F2: variants seen among roughly 807,000 people sequenced by gnomAD.
The protein encoded by F2 is coagulation factor II, thrombin.
F2 carries 34 observed loss-of-function variants against 81.9 expected under a neutral mutation model. The ratio of observed to expected loss-of-function variants is 0.42; its 90% CI spans 0.32 to 0.55. F2 has a LOEUF of 0.55. Ranked by LOEUF, F2 falls within the 20% of genes least tolerant of loss-of-function variation. The pLI is 0.18. For missense variants in F2, 630 were observed against 833.4 expected (o/e 0.76, Z 3.00); for synonymous variants, 296 against 326.4 (o/e 0.91, Z 1.01).
At chr11:46,733,688 A>G (rs561566337) in intron 12 of F2, among the ~76,000 whole-genome samples, 26 of 152,174 alleles carry the variant, frequency 1.7e-4, no homozygotes, top group African/African-American at 6.0e-4. Context: ...ATTTTTACCA[A>G]TCTGAGAGGT....
rs759174466 is a variant in F2 at position 46,728,014 on chromosome 11, G to C, written c.1149G>C (p.Arg383=). 4 of 1,610,786 alleles carry C rather than the reference G, an allele frequency of 2.5e-6. No individual in the cohort carries two copies. In the South Asian group the frequency reaches 3.3e-5, roughly 13 times the overall value. The part of the protein sequence containing the change: ...GMSPWQVMLF[R]KSPQELLCGA... ...CTCCCAGGCAGGTGATGCTTTTCCG[G>C]AAGAGTCCCCAGGAGCTGCTGTGTG... Residue 383 remains arginine (R), a synonymous_variant, in exon 10 of 14, where the codon CGG becomes CGC. Coordinates refer to ENST00000311907, the MANE Select transcript of F2 (RefSeq NM_000506.5). The surrounding 1 kb of genome is among the most constrained non-coding windows in gnomAD (Gnocchi z 5.1).
intron 4 of F2, among the ~76,000 whole-genome samples, chr11:46,722,919 G>T (rs2134527282): frequency 6.6e-6 from 1 of 152,340 alleles, no homozygotes; most frequent in African/African-American, 2.4e-5. Flanking sequence ...GCTCCATGAG[G>T]GCAGGGCTGT....
rs978432421 is a variant in F2 at position 46,723,702 on chromosome 11, C to G, written c.559+184C>G. ...GGTCAGGGGTTTGAGACCAGCTGGGCCAACATGGCAAAACCCCGTCTCTAC... is the reference window on the plus strand; with the variant it reads ...GGTCAGGGGTTTGAGACCAGCTGGGGCAACATGGCAAAACCCCGTCTCTAC... On this transcript the variant is annotated intron_variant, in intron 6 of 13. Transcript: ENST00000311907. The surrounding 1 kb of genome is among the most constrained non-coding windows in gnomAD (Gnocchi z 5.6). Among the ~76,000 whole-genome samples the G allele has an allele frequency of 4.7e-4, 72 of 152,160 alleles. No individual in the cohort carries two copies. Among genetic ancestry groups the G allele is most frequent in the Non-Finnish European group, 9.7e-4 (66 of 68,030 alleles).
chr11:46,729,268 C>T, intron 11 of F2, 112 bp from the exon 12 acceptor site: 1 of 1,241,952 alleles, frequency 8.1e-7, no homozygotes, highest in South Asian at 1.4e-5. Flanking sequence ...GCGTGAACGT[C>T]TGTGCCCAGC....
intron 12 of F2, among the ~76,000 whole-genome samples, chr11:46,737,784 T>G (rs1251560960): frequency 6.6e-6 from 1 of 152,030 alleles, no homozygotes; most frequent in African/African-American, 2.4e-5. Flanking sequence ...TGCTTTTTTC[T>G]CTTAAAAAGT....
intron 2 of F2, 88 bp from the exon 3 acceptor site, chr11:46,720,435 A>G (rs2064829216): frequency 6.7e-7 from 1 of 1,489,628 alleles, no homozygotes; most frequent in Non-Finnish European, 9.4e-7. Context: ...ACCAGGGTAA[A>G]GGAAAGTGTG....
chr11:46,726,788 G>A lies in F2; in HGVS notation c.1081G>A (p.Asp361Asn), dbSNP rs1337113977. The change falls in exon 9 of 14, where the codon GAC becomes AAC. Residue 361 changes from aspartate to asparagine, a missense_variant. Asp to Asn is a conservative substitution (Grantham distance 23). Coordinates refer to ENST00000311907, the MANE Select transcript of F2 (RefSeq NM_000506.5). This position sits in a 1 kb window ranked among gnomAD's most constrained non-coding sequence, Gnocchi z 5.9. Reference protein sequence around the residue: ...TERELLESYIDGRIVEGSDAE... With the variant: ...TERELLESYINGRIVEGSDAE... ...AAGAGAGCTCCTGGAATCCTACATCGACGGGCGCATTGTGGAGGGCTCGGA... is the reference window on the plus strand; with the variant it reads ...AAGAGAGCTCCTGGAATCCTACATCAACGGGCGCATTGTGGAGGGCTCGGA... 9 of 1,614,206 alleles carry A rather than the reference G, an allele frequency of 5.6e-6. No homozygotes were observed. The highest frequency in any genetic ancestry group is 1.7e-5 in the Admixed American group (1 of 60,028).
At chr11:46,736,650 G>C (rs1375750758) in intron 12 of F2, among the ~76,000 whole-genome samples, 2 of 152,168 alleles carry the variant, frequency 1.3e-5, no homozygotes, top group Non-Finnish European at 2.9e-5. Context: ...GTATGTTTCT[G>C]GATGTTCGAC....
rs71042616 is a variant in F2 at position 46,731,912 on chromosome 11, G to GT, written c.1654+2373dup. On this transcript the variant is annotated intron_variant, in intron 12 of 13. Transcript: ENST00000311907. ...GAATCTGGTAAAGAGACACTTTGAT[G>GT]TTTTTTTTTTTTTTTTTTTTTTGTG... is the stretch of plus-strand genomic sequence containing the variant. Among the ~76,000 whole-genome samples, 696 of 88,112 alleles carry GT rather than the reference G, an allele frequency of 7.9e-3. 19 individuals carry two copies. The highest frequency in any genetic ancestry group is 0.037 in the East Asian group (125 of 3,418). The allele number at this position is 88,112 out of a possible 152,430, so 57.8% of individuals were successfully genotyped here.
Position 46,719,527 on chromosome 11 carries a change from C to T in F2, c.80-175C>T, listed in dbSNP as rs1261650008. ...TAGGGAGCAGGCTGGGGGCAAGGGGCAGTGTAGGAGGGGCACAGGGGGCCA... is the reference window on the plus strand; with the variant it reads ...TAGGGAGCAGGCTGGGGGCAAGGGGTAGTGTAGGAGGGGCACAGGGGGCCA... On this transcript the variant is annotated intron_variant, in intron 1 of 13. Transcript: ENST00000311907. The surrounding 1 kb of genome is among the most constrained non-coding windows in gnomAD (Gnocchi z 4.7). The T allele has an allele frequency of 4.2e-6, 4 of 942,888 alleles. No homozygotes were observed. The East Asian group carries it at 7.9e-5, about 19-fold the overall frequency. 58.4% of individuals were successfully genotyped at this position (942,888 alleles called of 1,614,324 possible). A position where few individuals can be genotyped will look rare whatever the true frequency, so the allele number is the denominator to read the frequency against.
chr11:46,719,520 C>A lies in F2; in HGVS notation c.80-182C>A. 1 of 936,016 alleles carries A rather than the reference C, an allele frequency of 1.1e-6. No homozygotes were observed. The allele number at this position is 936,016 out of a possible 1,614,324, so 58.0% of individuals were successfully genotyped here. On this transcript the variant is annotated intron_variant, in intron 1 of 13. Transcript: ENST00000311907. The surrounding 1 kb of genome is among the most constrained non-coding windows in gnomAD (Gnocchi z 4.7). Reference sequence around the variant, plus strand: ...TCCAATATAGGGAGCAGGCTGGGGGCAAGGGGCAGTGTAGGAGGGGCACAG... The same window carrying A: ...TCCAATATAGGGAGCAGGCTGGGGGAAAGGGGCAGTGTAGGAGGGGCACAG...
Position 46,723,233 on chromosome 11 carries a change from C to G in F2, c.370C>G (p.Arg124Gly). ...CTACCGAGGGCATGTGAACATCACCCGGTCAGGCATTGAGTGCCAGCTATG... is the reference window on the plus strand; with the variant it reads ...CTACCGAGGGCATGTGAACATCACCGGGTCAGGCATTGAGTGCCAGCTATG... The part of the protein sequence containing the change: ...TNYRGHVNIT[R>G]SGIECQLWRS... The change falls in exon 5 of 14, where the codon CGG (arginine) becomes GGG (glycine). Residue 124 changes from arginine (R) to glycine (G), a missense_variant. By Grantham distance (125) the Arg-to-Gly change is moderately radical (BLOSUM62 -2). Coordinates refer to ENST00000311907, the MANE Select transcript of F2 (RefSeq NM_000506.5). The surrounding 1 kb of genome is among the most constrained non-coding windows in gnomAD (Gnocchi z 5.6). 3.1e-6 allele frequency: 5 copies of G among 1,614,026 alleles called. No individual in the cohort carries two copies. The highest frequency in any genetic ancestry group is 4.2e-6 in the Non-Finnish European group (5 of 1,180,008).
At position 46,728,653 on chromosome 11, in the gene F2, G is replaced by A; in HGVS notation, c.1299-11G>A. The A allele has an allele frequency of 6.2e-7, 1 of 1,613,612 alleles. No individual in the cohort carries two copies. ...TGCAGCTTCTCCATTTCTTTCTTGG[G>A]GTCTCTGCAGGTACGAGCGAAACAT... On this transcript the variant is annotated splice_polypyrimidine_tract_variant and intron_variant, in intron 10 of 13. Transcript: ENST00000311907. The surrounding 1 kb of genome is among the most constrained non-coding windows in gnomAD (Gnocchi z 5.1).
rs372168589 is a variant in F2, at chr11:46,726,645, G to T, written c.1003+19G>T. 41 of 1,613,484 alleles carry T rather than the reference G, an allele frequency of 2.5e-5. No individual in the cohort carries two copies. The highest frequency in any genetic ancestry group is 6.7e-5 in the East Asian group (3 of 44,890). ...GAGGCAGGTGAGGTAGTGGGCATCC[G>T]AGGGGATGCGGGGCTGCGGGGCTGG... On this transcript the variant is annotated intron_variant, in intron 8 of 13. Transcript: ENST00000311907. This position sits in a 1 kb window ranked among gnomAD's most constrained non-coding sequence, Gnocchi z 5.9.
intron 4 of F2, among the ~76,000 whole-genome samples, chr11:46,721,753 C>T (rs1334130508): frequency 6.6e-6 from 1 of 152,098 alleles, no homozygotes; most frequent in Non-Finnish European, 1.5e-5. Context: ...TGATCTTGAA[C>T]TCCTGGGCTC....
chr11:46,728,676 C>G lies in F2; in HGVS notation c.1311C>G (p.Asn437Lys). Residue 437 changes from asparagine (N) to lysine (K), a missense_variant, in exon 11 of 14, where the codon AAC becomes AAG. By Grantham distance (94) the Asn-to-Lys change is moderately conservative (BLOSUM62 0). Coordinates refer to ENST00000311907, the MANE Select transcript of F2 (RefSeq NM_000506.5). The surrounding 1 kb of genome is among the most constrained non-coding windows in gnomAD (Gnocchi z 5.1). ...GKHSRTRYER[N>K]IEKISMLEKI... ...GGGGTCTCTGCAGGTACGAGCGAAA[C>G]ATTGAAAAGATATCCATGTTGGAAA... 1 of 1,614,232 alleles carries G rather than the reference C, an allele frequency of 6.2e-7. No homozygotes were observed. The highest frequency in any genetic ancestry group is 1.7e-5 in the Admixed American group (1 of 60,026).
In F2 at chr11:46,728,309, A is replaced by G. The variant is rs1215032527; in HGVS notation, c.1298+146A>G. The G allele has an allele frequency of 1.5e-5, 15 of 978,148 alleles. No homozygotes were observed. The Middle Eastern group carries it at 9.3e-4, about 61-fold the overall frequency. 60.6% of individuals were successfully genotyped at this position (978,148 alleles called of 1,614,324 possible). A position where few individuals can be genotyped will look rare whatever the true frequency, so the allele number is the denominator to read the frequency against. On this transcript the variant is annotated intron_variant, in intron 10 of 13. Coordinates refer to ENST00000311907, the MANE Select transcript of F2 (RefSeq NM_000506.5). The surrounding 1 kb of genome is among the most constrained non-coding windows in gnomAD (Gnocchi z 5.1). ...CCCAGCAGTCTCTGCTGGAAAGCCC[A>G]TTTGGTCACGTCCTGACTGAGGCTT...
At chr11:46,720,901 A>G in intron 4 of F2, 61 bp downstream of exon 4, 3 of 1,593,280 alleles carry the variant, frequency 1.9e-6, no homozygotes, top group Non-Finnish European at 2.6e-6. Flanking sequence ...AGAAGAGCTC[A>G]GGGGTGGGTT....
chr11:46,732,294 G>T (rs1447500986), intron 12 of F2, among the ~76,000 whole-genome samples: 1 of 152,028 alleles, frequency 6.6e-6, no homozygotes, highest in Admixed American at 6.6e-5. Flanking sequence ...ATCTAATTCT[G>T]TCATTCCTTC....
Sources: gnomAD v4.1 joint callset for allele counts (sites outside exome capture counted in the v4.1 genomes callset) on GRCh38, gnomAD v4.1.1 for gene constraint, Gnocchi (gnomAD v3.1) non-coding constraint, MANE v1.5 for transcripts, NCBI Gene and HGNC (gene_info 2026-07-23, HGNC 2026-07-21) for gene names.